Variants in CAMTA1 observed in about 807,000 individuals in gnomAD.
CAMTA1 encodes calmodulin binding transcription activator 1, also known as calmodulin-binding transcription activator 1.
Under a neutral mutation model 170.9 loss-of-function variants are expected in CAMTA1, and 27 were observed. That is an observed-to-expected ratio of 0.16 (90% CI 0.12 to 0.22). CAMTA1 has a LOEUF of 0.22. Ranked by LOEUF, CAMTA1 falls within the 10% of genes least tolerant of loss-of-function variation. CAMTA1 has a pLI of 1.00. For synonymous variants in CAMTA1, 833 were observed against 891.5 expected, an observed-to-expected ratio of 0.93 and a Z score of 1.17; for missense variants, 1,619 against 2,217.2, an observed-to-expected ratio of 0.73 and a Z score of 5.42.
intron 6 of CAMTA1, among the ~76,000 whole-genome samples, chr1:7,600,982 T>C (rs1315509882): frequency 6.6e-6 from 1 of 152,142 alleles, no homozygotes; most frequent in African/African-American, 2.4e-5. Context: ...TGGCCCGTTC[T>C]CAATGAGCTG....
intron 4 of CAMTA1, among the ~76,000 whole-genome samples, chr1:7,107,180 G>A (rs1643669877): frequency 6.6e-6 from 1 of 152,066 alleles, no homozygotes; most frequent in South Asian, 2.1e-4. Flanking sequence ...TGATCTAATT[G>A]GAAAGACAAG....
At chr1:7,131,161 C>T (rs145955902) in intron 4 of CAMTA1, among the ~76,000 whole-genome samples, 2,789 of 152,128 alleles carry the variant, frequency 0.018, 76 homozygotes, top group African/African-American at 0.055. Context: ...ACCATGTTGG[C>T]GAGGATGGTC....
Position 6,829,978 on chromosome 1 carries a change from TAAAA to T in CAMTA1, c.234+4772_234+4775del, listed in dbSNP as rs201988108. ...GGAAAGTAGTTTTGATTCCTTTTTT[TAAAA>T]AAAGTTTTCTCCTACGTGTATTTTG... is the stretch of plus-strand genomic sequence containing the variant. On this transcript the variant is annotated intron_variant, in intron 3 of 22. Coordinates refer to ENST00000303635, the MANE Select transcript of CAMTA1 (RefSeq NM_015215.4). Among the ~76,000 whole-genome samples, 7 of 152,160 alleles carry T rather than the reference TAAAA, an allele frequency of 4.6e-5. No homozygotes were observed. In the South Asian group the frequency reaches 1.4e-3, roughly 32 times the overall value.
At chr1:6,828,452 C>T (rs1648164337) in intron 3 of CAMTA1, among the ~76,000 whole-genome samples, 1 of 151,740 alleles carries the variant, frequency 6.6e-6, no homozygotes. Flanking sequence ...CCACCATGCC[C>T]AGCTAATTTT....
At chr1:7,306,498 A>C (rs1288432890) in intron 5 of CAMTA1, among the ~76,000 whole-genome samples, 1 of 151,976 alleles carries the variant, frequency 6.6e-6, no homozygotes, top group African/African-American at 2.4e-5. Context: ...TTTTGTGCCT[A>C]TCACATCACC....
intron 3 of CAMTA1, among the ~76,000 whole-genome samples, chr1:6,998,587 A>G (rs1697696754): frequency 6.6e-6 from 1 of 152,128 alleles, no homozygotes; most frequent in Non-Finnish European, 1.5e-5. Context: ...CTCCCCATGC[A>G]CTTTGCCTTC....
At chr1:7,312,139 G>A (rs56320801) in intron 5 of CAMTA1, among the ~76,000 whole-genome samples, 24,065 of 151,928 alleles carry the variant, frequency 0.16, 2,506 homozygotes, top group Non-Finnish European at 0.21. Flanking sequence ...AGGTTAGAGA[G>A]AGGAAAGAAA....
intron 3 of CAMTA1, among the ~76,000 whole-genome samples, chr1:7,005,697 G>T (rs541212987): frequency 6.6e-6 from 1 of 152,316 alleles, no homozygotes; most frequent in East Asian, 1.9e-4. Context: ...ACGTACGTAG[G>T]TATTCCCTCC....
intron 6 of CAMTA1, among the ~76,000 whole-genome samples, chr1:7,550,593 C>T (rs561100867): frequency 1.1e-4 from 17 of 151,482 alleles, no homozygotes; most frequent in South Asian, 4.2e-4. Flanking sequence ...CCCTCTTTAA[C>T]GTGATCTTTT....
At chr1:7,599,420 C>T (rs1348253560) in intron 6 of CAMTA1, among the ~76,000 whole-genome samples, 4 of 152,254 alleles carry the variant, frequency 2.6e-5, no homozygotes, top group Middle Eastern at 3.4e-3. Context: ...TTTGGCGATG[C>T]GGGCTCTTTT....
intron 6 of CAMTA1, among the ~76,000 whole-genome samples, chr1:7,501,516 C>T (rs1354906130): frequency 1.3e-5 from 2 of 152,042 alleles, no homozygotes; most frequent in Admixed American, 1.3e-4. Flanking sequence ...ATGGTTTGTG[C>T]TGTCAACCCT....
At chr1:6,991,581 T>C (rs1696373403) in intron 3 of CAMTA1, among the ~76,000 whole-genome samples, 1 of 152,250 alleles carries the variant, frequency 6.6e-6, no homozygotes, top group Admixed American at 6.5e-5. Flanking sequence ...CTTTTGTTAG[T>C]GGGGGCTTGT....
Position 7,677,664 on chromosome 1 carries a change from G to A in CAMTA1, c.2845G>A (p.Val949Met), listed in dbSNP as rs139330971. The A allele has an allele frequency of 1.2e-6, 2 of 1,614,180 alleles. No individual in the cohort carries two copies. The highest frequency in any genetic ancestry group is 1.1e-5 in the South Asian group (1 of 91,078). ...FNNQIISNSV[V>M]FEYKARALPT... ...CAACCAGATCATCTCCAACTCGGTG[G>A]TGTTTGAGTACAAAGCCCGGGCTCT... Residue 949 changes from valine to methionine, a missense_variant, in exon 11 of 23, where the codon GTG becomes ATG. Val to Met is a conservative substitution (Grantham distance 21). This residue lies in a region of CAMTA1 where 143 missense variants were observed against 184.2 expected (regional missense o/e 0.78). Coordinates refer to ENST00000303635, the MANE Select transcript of CAMTA1 (RefSeq NM_015215.4).
chr1:7,182,303 G>T (rs1029228955), intron 4 of CAMTA1, among the ~76,000 whole-genome samples: 2 of 152,058 alleles, frequency 1.3e-5, no homozygotes, highest in African/African-American at 4.8e-5. Context: ...CACTTTGGGG[G>T]GCCAAGGCAG....
chr1:6,820,308 A>G (rs1451981591), intron 2 of CAMTA1, 58 bp downstream of exon 2: 18 of 1,582,936 alleles, frequency 1.1e-5, no homozygotes, highest in Admixed American at 6.7e-5. Flanking sequence ...AGTGGCAGTA[A>G]TTATCATCTA....
intron 4 of CAMTA1, among the ~76,000 whole-genome samples, chr1:7,167,235 C>G (rs1367953629): frequency 6.6e-6 from 1 of 152,064 alleles, no homozygotes; most frequent in Non-Finnish European, 1.5e-5. Flanking sequence ...CTTTCACATC[C>G]AAGTTTTAAT....
intron 4 of CAMTA1, among the ~76,000 whole-genome samples, chr1:7,152,561 A>G (rs1311923183): frequency 6.6e-6 from 1 of 152,156 alleles, no homozygotes; most frequent in Non-Finnish European, 1.5e-5. Context: ...GAAAACAGGG[A>G]GGTTGCCAAG....
chr1:7,086,758 A>G (rs1391140100), intron 3 of CAMTA1, among the ~76,000 whole-genome samples: 1 of 152,174 alleles, frequency 6.6e-6, no homozygotes, highest in Non-Finnish European at 1.5e-5. Flanking sequence ...ATTCCTTTCT[A>G]TGGCTGAATA....
chr1:7,759,175 A>G (rs1275211844), intron 22 of CAMTA1, among the ~76,000 whole-genome samples: 1 of 150,150 alleles, frequency 6.7e-6, no homozygotes, highest in East Asian at 1.9e-4. Context: ...GAAAAGAAAA[A>G]TAATATCTGG....
Sources: gnomAD v4.1 joint callset for allele counts (sites outside exome capture counted in the v4.1 genomes callset) on GRCh38, gnomAD v4.1.1 for gene constraint, gnomAD v4.1.1 regional missense constraint, MANE v1.5 for transcripts, NCBI Gene and HGNC (gene_info 2026-07-23, HGNC 2026-07-21) for gene names.